The following ARHGEF6 variants were observed in gnomAD, a reference collection of about 807,000 sequenced individuals.
ARHGEF6 encodes Rac/Cdc42 guanine nucleotide exchange factor 6.
In ARHGEF6, 9 loss-of-function variants were observed where a neutral mutation model predicts 70.3. The ratio of observed to expected loss-of-function variants is 0.13; its 90% CI spans 0.08 to 0.22. The LOEUF (loss-of-function observed/expected upper bound fraction) is 0.22. Among genes scored for constraint, ARHGEF6 ranks in the 10% least tolerant of loss-of-function variants. The pLI is 1.00. For missense variants in ARHGEF6, 470 were observed against 563.0 expected (o/e 0.83, Z 1.67); for synonymous variants, 201 against 207.8 (o/e 0.97, Z 0.28).
At chrX:136,728,346 T>C (rs1218622049) in intron 6 of ARHGEF6, among the ~76,000 whole-genome samples, 1 of 110,878 alleles carries the variant, frequency 9.0e-6, no homozygotes, top group African/African-American at 3.3e-5. Context: ...GGGTCTGAGC[T>C]GGGTGCCCAC....
chrX:136,765,847 G>A (rs2077308377), intron 2 of ARHGEF6, among the ~76,000 whole-genome samples: 1 of 112,339 alleles, frequency 8.9e-6, no homozygotes, highest in Non-Finnish European at 1.9e-5. Context: ...ACAAGGGCAC[G>A]GGGAGTTTCA....
chrX:136,669,089 C>T (rs1292314251), intron 21 of ARHGEF6, among the ~76,000 whole-genome samples: 2 of 111,651 alleles, frequency 1.8e-5, no homozygotes, highest in Non-Finnish European at 3.8e-5. Context: ...TACAGTCAGT[C>T]CTCACACACA....
At chrX:136,677,200 G>A (rs2076289392) in intron 17 of ARHGEF6, among the ~76,000 whole-genome samples, 2 of 112,330 alleles carry the variant, frequency 1.8e-5, no homozygotes, top group South Asian at 7.3e-4. Flanking sequence ...CCACAAATAA[G>A]AATATAATTT....
At chrX:136,670,150 A>AC (rs1446486921) in intron 20 of ARHGEF6, among the ~76,000 whole-genome samples, 1 of 112,114 alleles carries the variant, frequency 8.9e-6, no homozygotes, top group Non-Finnish European at 1.9e-5. Flanking sequence ...TTTGCATATA[A>AC]CCAATGCACA....
chrX:136,741,114 A>G (rs2077037248), intron 5 of ARHGEF6, among the ~76,000 whole-genome samples: 1 of 111,895 alleles, frequency 8.9e-6, no homozygotes, highest in South Asian at 3.8e-4. Context: ...TTAACACAAC[A>G]TAGAACACAG....
chrX:136,777,139 C>T (rs1185519472), intron 2 of ARHGEF6, among the ~76,000 whole-genome samples: 1 of 110,895 alleles, frequency 9.0e-6, no homozygotes, highest in African/African-American at 3.3e-5. Flanking sequence ...GCAGGAGAAT[C>T]GCTGGAACCA....
chrX:136,727,901 C>CCACCTTACAA (rs1182932128), intron 6 of ARHGEF6, among the ~76,000 whole-genome samples: 5 of 109,931 alleles, frequency 4.5e-5, no homozygotes, highest in Non-Finnish European at 9.5e-5. Context: ...TTTGAAAAAC[C>CCACCTTACAA]CACCTTACAA....
At chrX:136,747,735 T>G in intron 2 of ARHGEF6, 143 bp from the exon 3 acceptor site, 1 of 436,128 alleles carries the variant, frequency 2.3e-6, no homozygotes, top group Non-Finnish European at 3.8e-6. Context: ...AACCTCCATA[T>G]ACCTTTGGGA....
chrX:136,694,452 G>A lies in ARHGEF6; in HGVS notation c.1047-3704C>T, dbSNP rs771414744. On this transcript the variant is annotated intron_variant, in intron 9 of 21. Coordinates refer to ENST00000250617, the MANE Select transcript of ARHGEF6 (RefSeq NM_004840.3). ...AGAACCTAGGCTCAGAATTTTTTAC[G>A]TGCTCCCTGCCCCCAGAGCAAGTAC... is the stretch of plus-strand genomic sequence containing the variant. Among the ~76,000 whole-genome samples, 7 of 111,903 alleles carry A rather than the reference G, an allele frequency of 6.3e-5. No individual in the cohort carries two copies. In the South Asian group the frequency reaches 2.2e-3, roughly 36 times the overall value.
In ARHGEF6 at chrX:136,666,211, C is replaced by T. The variant is rs1924943205; in HGVS notation, c.*1818G>A. 8.9e-6 allele frequency: 1 copy of T among 112,866 alleles called. No homozygotes were observed. Among genetic ancestry groups the T allele is most frequent in the Non-Finnish European group, 1.9e-5 (1 of 53,317 alleles). The allele number at this position is 112,866 out of a possible 1,213,427, so 9.3% of individuals were successfully genotyped here. A position where few individuals can be genotyped will look rare whatever the true frequency, so the allele number is the denominator to read the frequency against. On this transcript the variant is annotated 3_prime_UTR_variant, in exon 22 of 22. Transcript: ENST00000250617. ...TGTGTGGTTGGCTGATGTTGGACTGCAAAAATAGTCCATTTCCTGTGGATG... is the reference window on the plus strand; with the variant it reads ...TGTGTGGTTGGCTGATGTTGGACTGTAAAAATAGTCCATTTCCTGTGGATG...
chrX:136,773,703 T>C (rs2077380197), intron 2 of ARHGEF6, among the ~76,000 whole-genome samples: 1 of 112,031 alleles, frequency 8.9e-6, no homozygotes, highest in African/African-American at 3.3e-5. Flanking sequence ...AACAATCATA[T>C]ACAGCAGATA....
rs2076874397 is a variant in ARHGEF6, at chrX:136,727,389, C to G, written c.732+4713G>C. Among the ~76,000 whole-genome samples the G allele has an allele frequency of 4.1e-5, 3 of 72,988 alleles. No homozygotes were observed. In the South Asian group the frequency reaches 2.4e-3, roughly 59 times the overall value. The allele number at this position is 72,988 out of a possible 115,157, so 63.4% of individuals were successfully genotyped here. ...TCTTTCTTTCTTTCTTTCTTTCTTT[C>G]TTTCTTTCTCTCTCTCTCTCTCTCT... On this transcript the variant is annotated intron_variant, in intron 6 of 21. Coordinates refer to ENST00000250617, the MANE Select transcript of ARHGEF6 (RefSeq NM_004840.3).
At chrX:136,737,218 G>A (rs1040330754) in intron 5 of ARHGEF6, among the ~76,000 whole-genome samples, 1 of 111,880 alleles carries the variant, frequency 8.9e-6, no homozygotes, top group Non-Finnish European at 1.9e-5. Context: ...AATGGCTCAC[G>A]CCTGTAATCC....
chrX:136,755,240 G>A (rs1009588666), intron 2 of ARHGEF6, among the ~76,000 whole-genome samples: 1 of 111,999 alleles, frequency 8.9e-6, no homozygotes, highest in Non-Finnish European at 1.9e-5. Flanking sequence ...CCAAATCAAT[G>A]TCCAACATCC....
intron 9 of ARHGEF6, among the ~76,000 whole-genome samples, chrX:136,704,327 G>A (rs776686826): frequency 2.1e-4 from 24 of 111,850 alleles, no homozygotes; most frequent in Non-Finnish European, 4.1e-4. Flanking sequence ...GTTTAACATC[G>A]TGAATTTTAT....
chrX:136,673,387 G>C (rs760123923), intron 19 of ARHGEF6, among the ~76,000 whole-genome samples: 13 of 112,045 alleles, frequency 1.2e-4, no homozygotes, highest in African/African-American at 3.9e-4. Context: ...TCTGGTTAGA[G>C]AGGGATAGAG....
intron 12 of ARHGEF6, among the ~76,000 whole-genome samples, chrX:136,683,231 G>A (rs1358458246): frequency 9.0e-6 from 1 of 111,541 alleles, no homozygotes; most frequent in Admixed American, 9.5e-5. Flanking sequence ...CAAGATGAAG[G>A]GGTTTTCAGG....
At chrX:136,674,838 C>T (rs1210937041) in intron 19 of ARHGEF6, among the ~76,000 whole-genome samples, 169 bp downstream of exon 19, 1 of 111,986 alleles carries the variant, frequency 8.9e-6, no homozygotes, top group Non-Finnish European at 1.9e-5. Context: ...CGCTTGGTAG[C>T]TAAAACCACC....
chrX:136,728,136 T>C (rs759751413), intron 6 of ARHGEF6, among the ~76,000 whole-genome samples: 1 of 112,433 alleles, frequency 8.9e-6, no homozygotes, highest in South Asian at 3.7e-4. Context: ...AAGAAGATTA[T>C]TAGAAAAATA....
Sources: allele counts gnomAD v4.1 joint callset (sites outside exome capture counted in the v4.1 genomes callset), GRCh38; gene constraint gnomAD v4.1.1; transcripts MANE v1.5; gene names NCBI Gene and HGNC (gene_info 2026-07-23, HGNC 2026-07-21).